The following APBB2 variants were observed in gnomAD, a reference collection of about 807,000 sequenced individuals.
The protein encoded by APBB2 is Fe65-like 1.
Under a neutral mutation model 82.5 loss-of-function variants are expected in APBB2, and 38 were observed. That is an observed-to-expected ratio of 0.46 (90% CI 0.36 to 0.60). APBB2 has a LOEUF of 0.60. Ranked by LOEUF, APBB2 falls within the 20% of genes least tolerant of loss-of-function variation. APBB2 has a pLI of 0.00. For synonymous variants in APBB2, 341 were observed against 368.2 expected, an observed-to-expected ratio of 0.93 and a Z score of 0.85; for missense variants, 772 against 972.3, an observed-to-expected ratio of 0.79 and a Z score of 2.74.
chr4:41,154,608 A>G (rs1225796652), intron 1 of APBB2, among the ~76,000 whole-genome samples: 1 of 152,166 alleles, frequency 6.6e-6, no homozygotes, highest in Admixed American at 6.5e-5. Flanking sequence ...TGTAAAACCA[A>G]GCTGTAGCCC....
At chr4:40,883,262 G>T (rs1165272717) in intron 12 of APBB2, among the ~76,000 whole-genome samples, 1 of 152,196 alleles carries the variant, frequency 6.6e-6, no homozygotes, top group South Asian at 2.1e-4. Flanking sequence ...GTTCAAGGCT[G>T]CAGTGAGCTA....
rs1329706001 is a variant in APBB2, at chr4:41,127,105, GCTAC to G, written c.-261+15878_-261+15881del. Among the ~76,000 whole-genome samples, 1 of 151,644 alleles carries G rather than the reference GCTAC, an allele frequency of 6.6e-6. No homozygotes were observed. The highest frequency in any genetic ancestry group is 1.5e-5 in the Non-Finnish European group (1 of 67,966). ...TCATTTCTCACTTACTTAAAGATTA[GCTAC>G]CTTTCTAATATAATGAAAGGATACT... On this transcript the variant is annotated intron_variant, in intron 2 of 17. Coordinates refer to ENST00000508593, the MANE Select transcript of APBB2 (RefSeq NM_004307.2). The surrounding 1 kb of genome is among the most constrained non-coding windows in gnomAD (Gnocchi z 4.8).
At chr4:41,006,031 T>A (rs974036364) in intron 6 of APBB2, among the ~76,000 whole-genome samples, 11 of 152,236 alleles carry the variant, frequency 7.2e-5, no homozygotes, top group African/African-American at 4.8e-5. Context: ...GCCACTCATC[T>A]CATTGTAATC....
Position 41,067,077 on chromosome 4 carries a change from C to T in APBB2, c.-148-1404G>A, listed in dbSNP as rs1034059382. Among the ~76,000 whole-genome samples the T allele has an allele frequency of 3.3e-5, 5 of 152,220 alleles. No homozygotes were observed. The East Asian group carries it at 9.6e-4, about 29-fold the overall frequency. ...TGGTAGTGACAACCAAGGTAGAGAA[C>T]ATAGGAGAAGAAATAAGGAAGACAA... On this transcript the variant is annotated intron_variant, in intron 3 of 17. Coordinates refer to ENST00000508593, the MANE Select transcript of APBB2 (RefSeq NM_004307.2).
At position 41,014,355 on chromosome 4, in the gene APBB2, G is replaced by A. The variant is rs201708076; in HGVS notation, c.63C>T (p.Ser21=). ...TCCGATTTGTGACGTCTGTAGTTCC[G>A]CTGCTGGCCATAAACACTGCCAAGG... The part of the protein sequence containing the change: ...VDTLAVFMAS[S]GTTDVTNRNS... The change falls in exon 6 of 18, where the codon AGC becomes AGT. Residue 21 remains serine (S), a synonymous_variant. Coordinates refer to ENST00000508593, the MANE Select transcript of APBB2 (RefSeq NM_004307.2). The A allele has an allele frequency of 2.5e-5, 40 of 1,613,940 alleles. No homozygotes were observed. Among genetic ancestry groups the A allele is most frequent in the Non-Finnish European group, 3.1e-5 (36 of 1,180,026 alleles).
intron 6 of APBB2, among the ~76,000 whole-genome samples, chr4:41,009,943 AC>A (rs1807857142): frequency 6.6e-6 from 1 of 152,214 alleles, no homozygotes; most frequent in Admixed American, 6.5e-5. Context: ...TTAAACACTA[AC>A]AGTATGTTTC....
chr4:40,947,225 C>A (rs1202258993), intron 6 of APBB2, among the ~76,000 whole-genome samples: 6 of 152,242 alleles, frequency 3.9e-5, no homozygotes, highest in African/African-American at 1.4e-4. Flanking sequence ...TTGGAGAAAA[C>A]CCTAGCAAGT....
At chr4:41,003,422 A>G (rs1560500420) in intron 6 of APBB2, among the ~76,000 whole-genome samples, 1 of 152,208 alleles carries the variant, frequency 6.6e-6, no homozygotes, top group Non-Finnish European at 1.5e-5. Flanking sequence ...TACTGGGTTG[A>G]ACCATATACC....
intron 3 of APBB2, among the ~76,000 whole-genome samples, chr4:41,081,360 A>T (rs1334420677): frequency 6.6e-6 from 1 of 152,204 alleles, no homozygotes; most frequent in Non-Finnish European, 1.5e-5. Context: ...GCACAATTCT[A>T]TTCAGGTTTC....
chr4:41,065,123 C>G (rs1731258305), intron 4 of APBB2, among the ~76,000 whole-genome samples: 1 of 151,304 alleles, frequency 6.6e-6, no homozygotes, highest in East Asian at 1.9e-4. Context: ...CCCATCTCTA[C>G]AAAAAATAAA....
chr4:41,124,728 T>A (rs998273731), intron 2 of APBB2, among the ~76,000 whole-genome samples: 6 of 152,228 alleles, frequency 3.9e-5, no homozygotes, highest in East Asian at 1.9e-4. Flanking sequence ...GCATTTGTTA[T>A]AATTGGCTGG....
In APBB2 at chr4:40,991,010, C is replaced by CTTTTTTTTTTTTTT. The variant is rs1491223078; in HGVS notation, c.835+22572_835+22573insAAAAAAAAAAAAAA. Among the ~76,000 whole-genome samples, 188 of 128,632 alleles carry CTTTTTTTTTTTTTT rather than the reference C, an allele frequency of 1.5e-3. 19 individuals carry two copies. Among genetic ancestry groups the CTTTTTTTTTTTTTT allele is most frequent in the East Asian group, 5.7e-3 (20 of 3,514 alleles). 84.4% of individuals were successfully genotyped at this position (128,632 alleles called of 152,430 possible). ...TTTCTGGTCATTTTGGACTGAGTTT[C>CTTTTTTTTTTTTTT]ATTTTTTTTTTTTTTGGAGGCAAGG... On this transcript the variant is annotated intron_variant, in intron 6 of 17. Coordinates refer to ENST00000508593, the MANE Select transcript of APBB2 (RefSeq NM_004307.2).
intron 1 of APBB2, among the ~76,000 whole-genome samples, chr4:41,166,707 C>T (rs1766744784): frequency 6.6e-6 from 1 of 152,080 alleles, no homozygotes; most frequent in South Asian, 2.1e-4. Context: ...ACCAGCCTGA[C>T]CAACATGGTG....
chr4:40,968,963 G>C (rs781379821), intron 6 of APBB2, among the ~76,000 whole-genome samples: 1 of 152,148 alleles, frequency 6.6e-6, no homozygotes, highest in Non-Finnish European at 1.5e-5. Flanking sequence ...CACAAGGTCT[G>C]GTGGTTTTAT....
At chr4:41,211,644 G>A (rs534787827) in intron 1 of APBB2, among the ~76,000 whole-genome samples, 35 of 151,920 alleles carry the variant, frequency 2.3e-4, no homozygotes, top group African/African-American at 7.7e-4. Context: ...CACCACACCC[G>A]GCTAATTTTT....
At chr4:41,208,268 AT>A (rs1167476758) in intron 1 of APBB2, among the ~76,000 whole-genome samples, 1 of 152,014 alleles carries the variant, frequency 6.6e-6, no homozygotes, top group Non-Finnish European at 1.5e-5. Flanking sequence ...AATATTCTGC[AT>A]TCTTTTTTTT....
rs1288354294 is a variant in APBB2 at position 41,029,307 on chromosome 4, A to G, written c.19+3929T>C. Among the ~76,000 whole-genome samples, 3 of 152,344 alleles carry G rather than the reference A, an allele frequency of 2.0e-5. No individual in the cohort carries two copies. In the East Asian group the frequency reaches 5.8e-4, roughly 29 times the overall value. On this transcript the variant is annotated intron_variant, in intron 5 of 17. Transcript: ENST00000508593. Reference sequence around the variant, plus strand: ...TAAAGCTGGCTTCCCGAAACTACTCATGAAAGGAAACCTTCAATGTGACAA... The same window carrying G: ...TAAAGCTGGCTTCCCGAAACTACTCGTGAAAGGAAACCTTCAATGTGACAA...
intron 1 of APBB2, among the ~76,000 whole-genome samples, chr4:41,189,056 GC>G (rs1773711917): frequency 6.6e-6 from 1 of 152,162 alleles, no homozygotes; most frequent in African/African-American, 2.4e-5. Context: ...TAACAGAAAT[GC>G]CTGGTAAGTG....
intron 16 of APBB2, among the ~76,000 whole-genome samples, chr4:40,822,905 G>T (rs1205933936): frequency 6.6e-6 from 1 of 152,188 alleles, no homozygotes; most frequent in Non-Finnish European, 1.5e-5. Context: ...TTGCGATGAT[G>T]CTGGTGTGGG....
Sources: gnomAD v4.1 joint callset for allele counts (sites outside exome capture counted in the v4.1 genomes callset) on GRCh38, gnomAD v4.1.1 for gene constraint, Gnocchi (gnomAD v3.1) non-coding constraint, MANE v1.5 for transcripts, NCBI Gene and HGNC (gene_info 2026-07-23, HGNC 2026-07-21) for gene names.